The following KANK1 variants were observed in gnomAD, a reference collection of about 807,000 sequenced individuals.
The protein encoded by KANK1 is KN motif and ankyrin repeat domain-containing protein 1.
In KANK1, 109 loss-of-function variants were observed where a neutral mutation model predicts 106.2. The ratio of observed to expected loss-of-function variants is 1.03; its 90% CI spans 0.88 to 1.20. The LOEUF (loss-of-function observed/expected upper bound fraction) is 1.20. Ranked by LOEUF, KANK1 falls within the 50% of genes most tolerant of loss-of-function variation. The pLI is 0.00. For missense variants in KANK1, 2,399 were observed against 1,710.7 expected (o/e 1.40, Z -7.10); for synonymous variants, 873 against 652.2 (o/e 1.34, Z -5.16).
At chr9:518,590 T>C (rs377150492) in intron 1 of KANK1, among the ~76,000 whole-genome samples, 1 of 151,738 alleles carries the variant, frequency 6.6e-6, no homozygotes, top group African/African-American at 2.4e-5. Flanking sequence ...AATATTGATA[T>C]TGTCATTCCG....
intron 3 of KANK1, among the ~76,000 whole-genome samples, chr9:724,810 C>A (rs6477166): frequency 0.67 from 101,895 of 151,186 alleles, 35,674 homozygotes; most frequent in African/African-American, 0.87. Flanking sequence ...TCAAAAAAAA[C>A]AAGAGTGTTC....
rs778276289 is a variant in KANK1 at position 506,007 on chromosome 9, T to TA, written c.-84+1261dup. ...ACTAAAATGTTGAGCACGTTTTATTTAAAAAAAATTGAAGTGTAATAAACA... is the reference window on the plus strand; with the variant it reads ...ACTAAAATGTTGAGCACGTTTTATTTAAAAAAAAATTGAAGTGTAATAAACA... On this transcript the variant is annotated intron_variant, in intron 1 of 11. Coordinates refer to ENST00000382297, the MANE Select transcript of KANK1 (RefSeq NM_015158.5). Among the ~76,000 whole-genome samples, 9 of 152,112 alleles carry TA rather than the reference T, an allele frequency of 5.9e-5. No homozygotes were observed. In the East Asian group the frequency reaches 9.6e-4, roughly 16 times the overall value.
At chr9:552,238 G>C (rs1033415987) in intron 1 of KANK1, among the ~76,000 whole-genome samples, 6 of 152,180 alleles carry the variant, frequency 3.9e-5, no homozygotes, top group Admixed American at 6.5e-5. Context: ...TAGAAAGGGA[G>C]CTCTGGCCTG....
At chr9:621,109 T>A (rs920164726) in intron 1 of KANK1, among the ~76,000 whole-genome samples, 1 of 152,192 alleles carries the variant, frequency 6.6e-6, no homozygotes, top group Non-Finnish European at 1.5e-5. Context: ...CTTCTCTGTT[T>A]TCAGGCTCCT....
chr9:600,082 T>G (rs1224835837), intron 1 of KANK1, among the ~76,000 whole-genome samples: 1 of 151,872 alleles, frequency 6.6e-6, no homozygotes, highest in Non-Finnish European at 1.5e-5. Context: ...TCTTAACTGT[T>G]TTTTTAATTG....
At chr9:632,015 A>G (rs773806905) in intron 1 of KANK1, among the ~76,000 whole-genome samples, 3 of 152,224 alleles carry the variant, frequency 2.0e-5, no homozygotes, top group Admixed American at 1.3e-4. Flanking sequence ...TCTGTATTGC[A>G]TGAGTACAAA....
chr9:603,542 C>A (rs540102051), intron 1 of KANK1, among the ~76,000 whole-genome samples: 1 of 151,828 alleles, frequency 6.6e-6, no homozygotes, highest in Non-Finnish European at 1.5e-5. Flanking sequence ...AATTCTTACT[C>A]TTAACAGTTC....
chr9:630,023 C>T (rs1005863690), intron 1 of KANK1, among the ~76,000 whole-genome samples: 5 of 150,894 alleles, frequency 3.3e-5, no homozygotes, highest in Non-Finnish European at 5.9e-5. Flanking sequence ...TGAGAAAGGC[C>T]GATCACTTAA....
chr9:687,846 G>A (rs917508569), intron 2 of KANK1, among the ~76,000 whole-genome samples: 4 of 152,008 alleles, frequency 2.6e-5, no homozygotes, highest in South Asian at 2.1e-4. Context: ...TAAGAGTTAC[G>A]GTTGTGTGCG....
At chr9:653,756 T>C (rs1381510735) in intron 1 of KANK1, among the ~76,000 whole-genome samples, 1 of 152,304 alleles carries the variant, frequency 6.6e-6, no homozygotes, top group South Asian at 2.1e-4. Flanking sequence ...TTGTTGCAGA[T>C]ATGTTTTCTT....
At chr9:744,107 C>T (rs1223801865) in intron 10 of KANK1, among the ~76,000 whole-genome samples, 9 of 152,186 alleles carry the variant, frequency 5.9e-5, no homozygotes, top group African/African-American at 2.2e-4. Context: ...AGTGCCCTCT[C>T]TAAGAGGAAA....
At chr9:511,436 T>C (rs750155197) in intron 1 of KANK1, among the ~76,000 whole-genome samples, 7 of 152,212 alleles carry the variant, frequency 4.6e-5, no homozygotes, top group Non-Finnish European at 1.0e-4. Flanking sequence ...TGTTGCTTGC[T>C]GTGTGACCTT....
At chr9:667,387 T>C (rs1844881863) in intron 1 of KANK1, among the ~76,000 whole-genome samples, 1 of 152,054 alleles carries the variant, frequency 6.6e-6, no homozygotes, top group Non-Finnish European at 1.5e-5. Flanking sequence ...TCTTCAGTAA[T>C]GTTTTAATCT....
intron 1 of KANK1, among the ~76,000 whole-genome samples, chr9:666,267 C>T (rs1466416325): frequency 2.6e-5 from 4 of 151,428 alleles, no homozygotes; most frequent in African/African-American, 9.7e-5. Context: ...TCAGATTGTT[C>T]ACTATTGGTA....
intron 1 of KANK1, among the ~76,000 whole-genome samples, chr9:535,072 TGA>T (rs2060235379): frequency 6.6e-6 from 1 of 152,224 alleles, no homozygotes; most frequent in South Asian, 2.1e-4. Flanking sequence ...AAGTTGGCAC[TGA>T]GAGTGGCACA....
At chr9:692,025 G>T (rs1820064560) in intron 2 of KANK1, among the ~76,000 whole-genome samples, 1 of 152,120 alleles carries the variant, frequency 6.6e-6, no homozygotes, top group South Asian at 2.1e-4. Context: ...GGCAGGCAAA[G>T]CCAGTTCTAA....
At chr9:567,662 G>C (rs564729473) in intron 1 of KANK1, among the ~76,000 whole-genome samples, 26 of 152,328 alleles carry the variant, frequency 1.7e-4, no homozygotes, top group African/African-American at 6.0e-4. Context: ...AAACATGTTT[G>C]GAAATGTGAA....
At chr9:524,437 C>G (rs760322458) in intron 1 of KANK1, among the ~76,000 whole-genome samples, 2 of 151,680 alleles carry the variant, frequency 1.3e-5, no homozygotes, top group African/African-American at 2.4e-5. Context: ...ATTTGTTTAT[C>G]TTAGCTTACG....
intron 1 of KANK1, among the ~76,000 whole-genome samples, chr9:524,217 A>G (rs1269836477): frequency 1.3e-5 from 2 of 151,814 alleles, no homozygotes; most frequent in African/African-American, 4.9e-5. Context: ...GATTGGCTTC[A>G]ACTTGCTGGT....
Sources: gnomAD v4.1 joint callset for allele counts (sites outside exome capture counted in the v4.1 genomes callset) on GRCh38, gnomAD v4.1.1 for gene constraint, MANE v1.5 for transcripts, NCBI Gene and HGNC (gene_info 2026-07-23, HGNC 2026-07-21) for gene names.